PTK2: variants seen among roughly 807,000 people sequenced by gnomAD.
The protein encoded by PTK2 is focal adhesion kinase 1.
Under a neutral mutation model 150.1 loss-of-function variants are expected in PTK2, and 45 were observed. That is an observed-to-expected ratio of 0.30 (90% CI 0.24 to 0.38). The LOEUF (loss-of-function observed/expected upper bound fraction) is 0.38. PTK2 is among the 10% of genes least tolerant of loss of function. The probability of loss-of-function intolerance (pLI) is 1.00; values close to 1 mark genes in which losing one functional copy is unlikely to be tolerated. For missense variants in PTK2, 919 were observed against 1,307.3 expected (o/e 0.70, Z 4.58); for synonymous variants, 432 against 449.2 (o/e 0.96, Z 0.48).
intron 15 of PTK2, among the ~76,000 whole-genome samples, chr8:140,761,943 C>T (rs1176116441): frequency 6.6e-6 from 1 of 151,856 alleles, no homozygotes; most frequent in African/African-American, 2.4e-5. Flanking sequence ...TATACAAAAT[C>T]GATTATTCAG....
intron 3 of PTK2, among the ~76,000 whole-genome samples, chr8:140,886,384 G>T (rs142847725): frequency 9.8e-4 from 150 of 152,286 alleles, no homozygotes; most frequent in African/African-American, 3.5e-3. Context: ...AAGATGGGGG[G>T]ATAGAGCATG....
chr8:140,991,025 A>G (rs1246187301), intron 1 of PTK2, among the ~76,000 whole-genome samples: 1 of 152,200 alleles, frequency 6.6e-6, no homozygotes, highest in African/African-American at 2.4e-5. Context: ...CTGAGCTCAC[A>G]ACATTCTGTC....
chr8:140,887,194 G>A (rs183552051), intron 3 of PTK2, among the ~76,000 whole-genome samples: 2 of 152,290 alleles, frequency 1.3e-5, no homozygotes, highest in Admixed American at 1.3e-4. Flanking sequence ...ACAGGTTGAG[G>A]CTGGCTACGT....
At chr8:140,767,462 G>A (rs1212702481) in intron 14 of PTK2, among the ~76,000 whole-genome samples, 1 of 152,014 alleles carries the variant, frequency 6.6e-6, no homozygotes, top group African/African-American at 2.4e-5. Context: ...TCATATGTAT[G>A]GTAATATCTG....
chr8:140,821,479 CA>C (rs1417722419), intron 8 of PTK2: 1 of 152,194 alleles, frequency 6.6e-6, no homozygotes, highest in African/African-American at 2.4e-5. Flanking sequence ...AACAGGCAAA[CA>C]TAAGAGGCAG....
chr8:140,754,722 G>A (rs934518327), intron 16 of PTK2, among the ~76,000 whole-genome samples: 25 of 152,204 alleles, frequency 1.6e-4, no homozygotes, highest in Admixed American at 1.6e-3. Flanking sequence ...GCCAACATGA[G>A]CAGATTATGA....
At chr8:140,676,237 G>A (rs7011626) in intron 27 of PTK2, among the ~76,000 whole-genome samples, 42,084 of 151,906 alleles carry the variant, frequency 0.28, 6,291 homozygotes, top group Admixed American at 0.39. Flanking sequence ...TTAGCTGGGC[G>A]TGGTGGTACG....
chr8:140,689,370 G>A (rs1404804553), intron 26 of PTK2, among the ~76,000 whole-genome samples: 1 of 152,206 alleles, frequency 6.6e-6, no homozygotes. Flanking sequence ...ATTACTCAAT[G>A]TAAATATCAA....
chr8:140,983,220 C>G (rs1407622898), intron 1 of PTK2, among the ~76,000 whole-genome samples: 1 of 151,870 alleles, frequency 6.6e-6, no homozygotes, highest in Non-Finnish European at 1.5e-5. Flanking sequence ...AACCCTGTCT[C>G]TACTAAAAAT....
chr8:140,760,144 C>T (rs538480160), intron 16 of PTK2, among the ~76,000 whole-genome samples: 4 of 151,654 alleles, frequency 2.6e-5, no homozygotes, highest in African/African-American at 9.7e-5. Context: ...ATCACTTGAA[C>T]CTGGAAGGCG....
chr8:140,831,193 C>A (rs563200144), intron 7 of PTK2, among the ~76,000 whole-genome samples: 9 of 152,316 alleles, frequency 5.9e-5, no homozygotes, highest in African/African-American at 1.9e-4. Flanking sequence ...CCTCAACGCT[C>A]TGGCCAAGAA....
At chr8:140,887,215 T>G (rs957923349) in intron 3 of PTK2, among the ~76,000 whole-genome samples, 2 of 151,988 alleles carry the variant, frequency 1.3e-5, no homozygotes, top group African/African-American at 2.4e-5. Context: ...AGATGGAGAG[T>G]GCTTGTGTGA....
intron 23 of PTK2, among the ~76,000 whole-genome samples, chr8:140,707,593 T>A (rs546314012): frequency 6.6e-6 from 1 of 152,170 alleles, no homozygotes; most frequent in South Asian, 2.1e-4. Flanking sequence ...ACAGTAGAGA[T>A]GGGGTTTTGC....
At chr8:140,806,762 T>C (rs1221436122) in intron 10 of PTK2, among the ~76,000 whole-genome samples, 1 of 152,134 alleles carries the variant, frequency 6.6e-6, no homozygotes, top group Non-Finnish European at 1.5e-5. Context: ...CTTTAAGATA[T>C]TGATAGAGAT....
intron 1 of PTK2, among the ~76,000 whole-genome samples, chr8:140,988,355 A>G (rs531721086): frequency 6.6e-6 from 1 of 152,330 alleles, no homozygotes; most frequent in South Asian, 2.1e-4. Context: ...CCACAATGAG[A>G]TAAGACTTAT....
At chr8:140,829,682 A>T (rs1247036591) in intron 8 of PTK2, among the ~76,000 whole-genome samples, 1 of 152,186 alleles carries the variant, frequency 6.6e-6, no homozygotes, top group African/African-American at 2.4e-5. Flanking sequence ...GAGCAGTAAC[A>T]TCCACTGTTG....
intron 27 of PTK2, among the ~76,000 whole-genome samples, chr8:140,680,967 C>T (rs576412528): frequency 3.2e-4 from 48 of 152,340 alleles, no homozygotes; most frequent in African/African-American, 1.2e-3. Context: ...AAGTCTGCTA[C>T]CTGACAGGCA....
intron 1 of PTK2, among the ~76,000 whole-genome samples, chr8:140,998,919 G>A (rs2100198902): frequency 6.6e-6 from 1 of 152,120 alleles, no homozygotes; most frequent in African/African-American, 2.4e-5. Context: ...GAGGACTGAG[G>A]GAGTAAGTTA....
intron 1 of PTK2, among the ~76,000 whole-genome samples, chr8:140,934,897 G>T (rs2100173091): frequency 6.6e-6 from 1 of 151,802 alleles, no homozygotes; most frequent in African/African-American, 2.4e-5. Flanking sequence ...AAAAGAAAGA[G>T]ATATCAAAAT....
Sources: gnomAD v4.1 joint callset for allele counts (sites outside exome capture counted in the v4.1 genomes callset) on GRCh38, gnomAD v4.1.1 for gene constraint, MANE v1.5 for transcripts, NCBI Gene and HGNC (gene_info 2026-07-23, HGNC 2026-07-21) for gene names.